Variants in HIP1 observed in about 807,000 individuals in gnomAD.
HIP1 encodes the protein huntingtin interacting protein 1.
A neutral mutation model predicts 147.6 loss-of-function variants in HIP1; 65 were observed. The observed-to-expected ratio is 0.44, with a 90% confidence interval of 0.36 to 0.54. HIP1 has a LOEUF of 0.54. Among genes scored for constraint, HIP1 ranks in the 20% least tolerant of loss-of-function variants. HIP1 has a pLI of 0.00. For missense variants in HIP1, 1,061 were observed against 1,299.6 expected (o/e 0.82, Z 2.82); for synonymous variants, 479 against 504.0 (o/e 0.95, Z 0.67).
At chr7:75,659,442 T>C (rs1554513253) in intron 1 of HIP1, among the ~76,000 whole-genome samples, 7 of 145,536 alleles carry the variant, frequency 4.8e-5, no homozygotes, top group African/African-American at 1.8e-4. Flanking sequence ...GTAGATCACT[T>C]GATCGAGATC....
At chr7:75,716,829 G>T (rs371577506) in intron 1 of HIP1, among the ~76,000 whole-genome samples, 4 of 145,042 alleles carry the variant, frequency 2.8e-5, no homozygotes, top group Admixed American at 6.8e-5. Flanking sequence ...TTTTTTTAGG[G>T]GGGGGGAAAG....
chr7:75,735,019 C>A (rs1801973017), intron 1 of HIP1, among the ~76,000 whole-genome samples: 1 of 152,184 alleles, frequency 6.6e-6, no homozygotes, highest in Non-Finnish European at 1.5e-5. Flanking sequence ...GGGTTCGTCT[C>A]CCCAGTCAGA....
intron 2 of HIP1, among the ~76,000 whole-genome samples, chr7:75,593,857 C>T (rs587720312): frequency 4.6e-5 from 7 of 152,168 alleles, no homozygotes; most frequent in African/African-American, 1.4e-4. Flanking sequence ...CCCACCTGGC[C>T]CTGTTCAGGG....
At chr7:75,727,132 C>T (rs1040517907) in intron 1 of HIP1, among the ~76,000 whole-genome samples, 3 of 151,790 alleles carry the variant, frequency 2.0e-5, no homozygotes, top group African/African-American at 4.8e-5. Flanking sequence ...GTTTTTGAGA[C>T]ACAGGTCTCA....
chr7:75,573,720 G>T (rs978855581), intron 8 of HIP1, 41 bp downstream of exon 8: 1 of 1,593,748 alleles, frequency 6.3e-7, no homozygotes, highest in Non-Finnish European at 8.6e-7. Flanking sequence ...CCTCCCTCTG[G>T]CCTGAATCTC....
intron 1 of HIP1, among the ~76,000 whole-genome samples, chr7:75,705,119 G>A (rs1202326239): frequency 1.3e-5 from 2 of 152,012 alleles, no homozygotes; most frequent in Admixed American, 6.6e-5. Flanking sequence ...GCTATCCATC[G>A]GCAGAACTCT....
chr7:75,702,097 T>C (rs1476856293), intron 1 of HIP1, among the ~76,000 whole-genome samples: 1 of 150,522 alleles, frequency 6.6e-6, no homozygotes, highest in Admixed American at 6.6e-5. Context: ...ACCCAGCTAA[T>C]TTTTGTATTT....
intron 1 of HIP1, among the ~76,000 whole-genome samples, chr7:75,713,629 A>G (rs1801223074): frequency 6.6e-6 from 1 of 151,934 alleles, no homozygotes; most frequent in South Asian, 2.1e-4. Flanking sequence ...TAGAGTCCCC[A>G]GGGATGAAAG....
intron 2 of HIP1, among the ~76,000 whole-genome samples, chr7:75,595,235 TCTTTCTTTCTTTCTTTCTTCCTTCCTTC>T (rs1194105436): frequency 5.5e-5 from 6 of 109,394 alleles, no homozygotes; most frequent in African/African-American, 2.7e-4. Flanking sequence ...TTTCTTTCTT[TCTTTCTTTCTTTCTTTCTTCCTTCCTTC>T]CTTCCTTCCT....
At chr7:75,668,061 T>C (rs1036366918) in intron 1 of HIP1, among the ~76,000 whole-genome samples, 4 of 151,556 alleles carry the variant, frequency 2.6e-5, no homozygotes, top group Non-Finnish European at 4.4e-5. Flanking sequence ...GGATTTCCTG[T>C]TCCAGGGCTC....
chr7:75,555,877 G>A, intron 18 of HIP1, 149 bp downstream of exon 18: 1 of 936,114 alleles, frequency 1.1e-6, no homozygotes, highest in South Asian at 1.6e-5. Context: ...AGGGCCTGCT[G>A]GCATTACACC....
At chr7:75,554,284 C>T (rs189052423) in intron 20 of HIP1, 64 bp from the exon 21 acceptor site, 3 of 1,429,592 alleles carry the variant, frequency 2.1e-6, no homozygotes, top group African/African-American at 1.4e-5. Flanking sequence ...ATACCCTCTC[C>T]TCCCGTTTTA....
At chr7:75,609,824 T>C (rs991848656) in intron 1 of HIP1, among the ~76,000 whole-genome samples, 2 of 151,628 alleles carry the variant, frequency 1.3e-5, no homozygotes, top group Non-Finnish European at 2.9e-5. Context: ...CAAGGTACCT[T>C]TATTTTTTTA....
rs587671276 is a variant in HIP1, at chr7:75,611,903, T to A, written c.121-12656A>T. The A allele has an allele frequency of 9.0e-6, 9 of 1,004,720 alleles. No homozygotes were observed. In the East Asian group the frequency reaches 6.2e-4, roughly 69 times the overall value. The allele number at this position is 1,004,720 out of a possible 1,614,324, so 62.2% of individuals were successfully genotyped here. A position where few individuals can be genotyped will look rare whatever the true frequency, so the allele number is the denominator to read the frequency against. On this transcript the variant is annotated intron_variant, in intron 1 of 30. Transcript: ENST00000336926. ...GCCTCTCTTCCTCCCTCCCCAGCACTCCCCATCCTCCGCTCGCCTGGGACA... is the reference window on the plus strand; with the variant it reads ...GCCTCTCTTCCTCCCTCCCCAGCACACCCCATCCTCCGCTCGCCTGGGACA...
intron 8 of HIP1, among the ~76,000 whole-genome samples, chr7:75,571,848 T>C (rs1795647280): frequency 6.6e-6 from 1 of 152,148 alleles, no homozygotes. Context: ...CCTCCCAAAG[T>C]GATGGGATTC....
At chr7:75,710,871 T>C (rs1469561022) in intron 1 of HIP1, among the ~76,000 whole-genome samples, 2 of 152,218 alleles carry the variant, frequency 1.3e-5, no homozygotes, top group African/African-American at 2.4e-5. Context: ...CTTTATTTGA[T>C]GTTAACTTAC....
chr7:75,585,824 T>G (rs587648899), intron 5 of HIP1, among the ~76,000 whole-genome samples: 1 of 152,096 alleles, frequency 6.6e-6, no homozygotes, highest in East Asian at 1.9e-4. Flanking sequence ...TCTTCTCTCT[T>G]TTTTCTGTGA....
chr7:75,609,690 T>A (rs1260864653), intron 1 of HIP1, among the ~76,000 whole-genome samples: 1 of 152,004 alleles, frequency 6.6e-6, no homozygotes, highest in African/African-American at 2.4e-5. Flanking sequence ...CCTGAGTAGC[T>A]GGGACTACAG....
chr7:75,570,309 C>T (rs1254217822), intron 8 of HIP1, among the ~76,000 whole-genome samples: 31 of 124,644 alleles, frequency 2.5e-4, no homozygotes, highest in African/African-American at 5.9e-4. Context: ...TTTTTTTTTT[C>T]GAGACGATGT....
Sources: gnomAD v4.1 joint callset for allele counts (sites outside exome capture counted in the v4.1 genomes callset) on GRCh38, gnomAD v4.1.1 for gene constraint, MANE v1.5 for transcripts, NCBI Gene and HGNC (gene_info 2026-07-23, HGNC 2026-07-21) for gene names.